The following LTBP1 variants were observed in gnomAD, a reference collection of about 807,000 sequenced individuals.
LTBP1 encodes the protein latent-transforming growth factor beta-binding protein 1.
In LTBP1, 129 loss-of-function variants were observed where a neutral mutation model predicts 207.6. The ratio of observed to expected loss-of-function variants is 0.62; its 90% confidence interval spans 0.54 to 0.72. The LOEUF (loss-of-function observed/expected upper bound fraction) is 0.72, where lower values mean the gene tolerates loss of function less well. LTBP1 is among the 30% of genes least tolerant of loss of function. The pLI is 0.00. For missense variants in LTBP1, 2,281 were observed against 2,217.2 expected (o/e 1.03, Z -0.58); for synonymous variants, 963 against 833.7 (o/e 1.16, Z -2.67).
chr2:33,266,649 A>G (rs1441758870), intron 15 of LTBP1, among the ~76,000 whole-genome samples: 7 of 152,094 alleles, frequency 4.6e-5, no homozygotes, highest in Admixed American at 4.6e-4. Flanking sequence ...ACTCACACAG[A>G]TGTCAGGAGT....
chr2:32,979,799 T>C (rs1682476159), intron 2 of LTBP1, among the ~76,000 whole-genome samples: 1 of 152,184 alleles, frequency 6.6e-6, no homozygotes, highest in Non-Finnish European at 1.5e-5. Context: ...TCAGCTATTA[T>C]TTTGTTAGGG....
intron 3 of LTBP1, among the ~76,000 whole-genome samples, chr2:33,109,201 A>G (rs116666031): frequency 6.6e-6 from 1 of 152,224 alleles, no homozygotes; most frequent in Non-Finnish European, 1.5e-5. Context: ...GAGTGAGACT[A>G]TTCAAGTTTC....
At chr2:33,081,398 C>CA (rs1406599842) in intron 3 of LTBP1, among the ~76,000 whole-genome samples, 1 of 152,040 alleles carries the variant, frequency 6.6e-6, no homozygotes, top group Non-Finnish European at 1.5e-5. Flanking sequence ...TGTATGGACA[C>CA]ACACGAGCAT....
At chr2:33,370,495 T>C (rs550407195) in intron 31 of LTBP1, among the ~76,000 whole-genome samples, 6 of 152,334 alleles carry the variant, frequency 3.9e-5, no homozygotes, top group Middle Eastern at 3.4e-3. Flanking sequence ...CTGCTGCTGC[T>C]GCTGCTGCTT....
chr2:33,158,154 A>C (rs1368284101), intron 5 of LTBP1, among the ~76,000 whole-genome samples: 1 of 140,494 alleles, frequency 7.1e-6, no homozygotes, highest in African/African-American at 2.5e-5. Context: ...AAAACAAAAA[A>C]AAAAAAAAAA....
chr2:33,314,506 G>T (rs2149244658), intron 23 of LTBP1, among the ~76,000 whole-genome samples: 1 of 152,288 alleles, frequency 6.6e-6, no homozygotes, highest in South Asian at 2.1e-4. Flanking sequence ...CCATGATCAT[G>T]CACTGCACTG....
intron 5 of LTBP1, among the ~76,000 whole-genome samples, chr2:33,156,003 T>C (rs2083945331): frequency 6.6e-6 from 1 of 152,160 alleles, no homozygotes; most frequent in Non-Finnish European, 1.5e-5. Context: ...CATAGATGTA[T>C]TGGAGAGGAT....
intron 25 of LTBP1, among the ~76,000 whole-genome samples, chr2:33,343,766 C>G (rs1476635995): frequency 2.0e-5 from 3 of 152,290 alleles, no homozygotes; most frequent in Middle Eastern, 3.4e-3. Flanking sequence ...ATCATATGTC[C>G]TGGAATATGG....
intron 15 of LTBP1, among the ~76,000 whole-genome samples, chr2:33,266,258 G>GCC (rs1194285120): frequency 6.6e-6 from 1 of 152,228 alleles, no homozygotes; most frequent in African/African-American, 2.4e-5. Flanking sequence ...TGTCGCCTTG[G>GCC]CCCCCTCTGG....
intron 2 of LTBP1, among the ~76,000 whole-genome samples, chr2:32,977,162 G>A (rs759381202): frequency 1.9e-4 from 29 of 152,164 alleles, no homozygotes; most frequent in Admixed American, 5.9e-4. Flanking sequence ...CCTGGCTACC[G>A]GCTTTGGGGG....
intron 7 of LTBP1, among the ~76,000 whole-genome samples, chr2:33,191,740 G>T (rs1302656403): frequency 6.6e-6 from 1 of 152,160 alleles, no homozygotes; most frequent in Non-Finnish European, 1.5e-5. Context: ...ACAAAACCCT[G>T]GATAAATGCT....
chr2:33,090,430 T>C (rs573922732), intron 3 of LTBP1, among the ~76,000 whole-genome samples: 2 of 152,282 alleles, frequency 1.3e-5, no homozygotes, highest in Admixed American at 1.3e-4. Flanking sequence ...CTCTTAACTC[T>C]TGAGTGCTAT....
intron 5 of LTBP1, among the ~76,000 whole-genome samples, chr2:33,139,780 G>T (rs1413561359): frequency 6.6e-6 from 1 of 152,188 alleles, no homozygotes; most frequent in East Asian, 1.9e-4. Flanking sequence ...ATTGGGCATG[G>T]AGATGTGAAA....
intron 3 of LTBP1, among the ~76,000 whole-genome samples, chr2:33,048,727 CAG>C (rs908089355): frequency 2.0e-5 from 3 of 152,080 alleles, no homozygotes; most frequent in Non-Finnish European, 2.9e-5. Flanking sequence ...GCTGACTCTT[CAG>C]AGAGGATTAT....
intron 3 of LTBP1, among the ~76,000 whole-genome samples, chr2:33,035,489 G>T (rs2149355660): frequency 6.6e-6 from 1 of 152,334 alleles, no homozygotes; most frequent in East Asian, 1.9e-4. Flanking sequence ...CTTGAAATGG[G>T]AGTGATGGTG....
intron 3 of LTBP1, among the ~76,000 whole-genome samples, chr2:33,074,256 G>A (rs998072404): frequency 1.3e-5 from 2 of 152,158 alleles, no homozygotes; most frequent in East Asian, 1.9e-4. Context: ...GCTGCAAACC[G>A]GGGCTGATCT....
At chr2:33,223,910 T>G (rs2091283083) in intron 9 of LTBP1, among the ~76,000 whole-genome samples, 1 of 152,210 alleles carries the variant, frequency 6.6e-6, no homozygotes, top group Non-Finnish European at 1.5e-5. Context: ...AACAGGCCAC[T>G]AAATGATTAA....
intron 8 of LTBP1, among the ~76,000 whole-genome samples, chr2:33,221,739 G>C (rs971201812): frequency 6.6e-6 from 1 of 152,140 alleles, no homozygotes; most frequent in Non-Finnish European, 1.5e-5. Flanking sequence ...CAATGGATAA[G>C]AAAATCCAAA....
chr2:33,156,045 A>G (rs576676912), intron 5 of LTBP1, among the ~76,000 whole-genome samples: 7 of 152,182 alleles, frequency 4.6e-5, no homozygotes, highest in Non-Finnish European at 8.8e-5. Flanking sequence ...AACTACCACT[A>G]TCGAGTCTCT....
Sources: gnomAD v4.1 joint callset for allele counts (sites outside exome capture counted in the v4.1 genomes callset) on GRCh38, gnomAD v4.1.1 for gene constraint, MANE v1.5 for transcripts, NCBI Gene and HGNC (gene_info 2026-07-23, HGNC 2026-07-21) for gene names.